STOX1: variants seen among roughly 807,000 people sequenced by gnomAD.
STOX1 encodes the protein storkhead-box protein 1.
In STOX1, 57 loss-of-function variants were observed where a neutral mutation model predicts 74.8. The observed-to-expected ratio is 0.76, with a 90% CI of 0.62 to 0.95. The LOEUF (loss-of-function observed/expected upper bound fraction) is 0.95. STOX1 is among the 40% of genes least tolerant of loss of function. The pLI is 0.00. For missense variants in STOX1, 1,010 were observed against 1,117.0 expected (o/e 0.90, Z 1.37); for synonymous variants, 375 against 401.3 (o/e 0.93, Z 0.78).
chr10:68,892,683 C>T lies in STOX1; in HGVS notation c.2917C>T (p.Gln973Ter). 6.2e-7 allele frequency: 1 copy of T among 1,613,962 alleles called. No individual in the cohort carries two copies. Among genetic ancestry groups the T allele is most frequent in the Non-Finnish European group, 8.5e-7 (1 of 1,179,918 alleles). The change falls in exon 4 of 4, where the codon CAA (glutamine) becomes TAA (stop). Residue 973 changes from glutamine to a stop codon, truncating the protein, a stop_gained. Coordinates refer to ENST00000298596, the MANE Select transcript of STOX1 (RefSeq NM_152709.5). LOFTEE classifies it high-confidence loss of function. ...LQNVEGTKSS[Q>*]PLTSNSLLPL... The stretch of plus-strand genomic sequence containing the variant: ...AAATGTCGAAGGCACAAAGAGCAGT[C>T]AACCACTCACATCTAATTCCTTACT...
intron 1 of STOX1, among the ~76,000 whole-genome samples, chr10:68,855,671 C>T (rs1362487213): frequency 2.6e-5 from 4 of 151,748 alleles, no homozygotes. Context: ...TCTCTAACTC[C>T]TGGGCTTAAG....
chr10:68,833,331 C>A (rs1839459568), intron 1 of STOX1, among the ~76,000 whole-genome samples: 1 of 152,108 alleles, frequency 6.6e-6, no homozygotes, highest in Non-Finnish European at 1.5e-5. Context: ...TCAGTTGATT[C>A]ATCCGCCTCA....
chr10:68,866,951 T>G lies in STOX1; in HGVS notation c.311-15007T>G, dbSNP rs547853439. Among the ~76,000 whole-genome samples the G allele has an allele frequency of 1.4e-4, 21 of 150,588 alleles. No homozygotes were observed. In the South Asian group the frequency reaches 4.0e-3, roughly 29 times the overall value. On this transcript the variant is annotated intron_variant, in intron 1 of 3. Transcript: ENST00000298596. ...TTGGACCAATGCTTTCCTTGTTTTT[T>G]TTTTTTTTTTTCGAGGCAGCCTCTT...
rs565137804 is a variant in STOX1, at chr10:68,863,170, G to A, written c.311-18788G>A. Among the ~76,000 whole-genome samples the A allele has an allele frequency of 1.1e-3, 170 of 152,184 alleles. 1 individual carries two copies. The highest frequency in any genetic ancestry group is 4.0e-3 in the African/African-American group (167 of 41,454). On this transcript the variant is annotated intron_variant, in intron 1 of 3. Transcript: ENST00000298596. ...ACCGGGCAACCAAGAGCTATCGTTA[G>A]TGTATACCTCCAATGGGGGATCCAG...
chr10:68,846,122 A>T (rs200447276), intron 1 of STOX1, among the ~76,000 whole-genome samples: 1,898 of 44,776 alleles, frequency 0.042, 41 homozygotes, highest in Admixed American at 0.14. Context: ...TGAGGTTTTT[A>T]TTATTATTAT....
intron 1 of STOX1, chr10:68,828,263 G>A: frequency 9.5e-6 from 11 of 1,152,692 alleles, no homozygotes; most frequent in Non-Finnish European, 1.1e-5. Flanking sequence ...CCGCATCAGG[G>A]CGGTGGGTGA....
Position 68,827,542 on chromosome 10 carries a change from A to G in STOX1, c.-82A>G. The G allele has an allele frequency of 2.1e-6, 2 of 950,846 alleles. No homozygotes were observed. The highest frequency in any genetic ancestry group is 1.3e-6 in the Non-Finnish European group (1 of 774,206). 58.9% of individuals were successfully genotyped at this position (950,846 alleles called of 1,614,324 possible). On this transcript the variant is annotated 5_prime_UTR_variant, in exon 1 of 4. Transcript: ENST00000298596. ...CCGCGGACCCGCGCGCAGTCGGCCG[A>G]TCCTCCCGCCGAGCGAGCGGCGTCG...
chr10:68,886,410 G>C lies in STOX1; in HGVS notation c.2614G>C (p.Asp872His). 6.2e-7 allele frequency: 1 copy of C among 1,614,202 alleles called. No individual in the cohort carries two copies. Among genetic ancestry groups the C allele is most frequent in the Non-Finnish European group, 8.5e-7 (1 of 1,180,040 alleles). ...CAGTTTTGAAGCTGAAGTCATACAA[G>C]ACACTATTGGTGACACAGGAAAGAA... ...KASFEAEVIQ[D>H]TIGDTGKKPA... is the part of the protein sequence containing the mutation. Residue 872 changes from aspartate to histidine, a missense_variant, in exon 3 of 4, where the codon GAC (aspartate) becomes CAC (histidine). Coordinates refer to ENST00000298596, the MANE Select transcript of STOX1 (RefSeq NM_152709.5).
chr10:68,834,695 C>T (rs1839497317), intron 1 of STOX1, among the ~76,000 whole-genome samples: 2 of 152,206 alleles, frequency 1.3e-5, no homozygotes, highest in African/African-American at 4.8e-5. Flanking sequence ...TGCCTCGATT[C>T]TCAGAGATAA....
intron 3 of STOX1, among the ~76,000 whole-genome samples, 166 bp downstream of exon 3, chr10:68,886,784 G>A (rs1840975093): frequency 6.6e-6 from 1 of 152,050 alleles, no homozygotes; most frequent in African/African-American, 2.4e-5. Flanking sequence ...ACCAGGTGTG[G>A]TGGTGCGTCC....
chr10:68,857,079 T>G (rs986046308), intron 1 of STOX1, among the ~76,000 whole-genome samples: 1 of 152,132 alleles, frequency 6.6e-6, no homozygotes, highest in Non-Finnish European at 1.5e-5. Context: ...TCATCTTTAT[T>G]AATTTTATTT....
chr10:68,842,309 G>T (rs1839711548), intron 1 of STOX1, among the ~76,000 whole-genome samples: 1 of 152,116 alleles, frequency 6.6e-6, no homozygotes, highest in Non-Finnish European at 1.5e-5. Flanking sequence ...GCTACATTCT[G>T]TGCTAGTGGA....
chr10:68,894,536 A>G (rs1272524887), downstream of STOX1, among the ~76,000 whole-genome samples: 1 of 152,178 alleles, frequency 6.6e-6, no homozygotes, highest in Non-Finnish European at 1.5e-5. Context: ...ACTGACTGAC[A>G]TACCACTGCA....
In STOX1 at chr10:68,855,194, C is replaced by T. The variant is rs1005339454; in HGVS notation, c.311-26764C>T. 2.7e-5 allele frequency among the ~76,000 whole-genome samples: 4 copies of T among 150,362 alleles called. No individual in the cohort carries two copies. The East Asian group carries it at 5.9e-4, about 22-fold the overall frequency. Reference sequence around the variant, plus strand: ...GGAGTGCAGTGGCGTGATCTTGGCTCACTGCAACCTCCGTCTCCTGGGTTC... The same window carrying T: ...GGAGTGCAGTGGCGTGATCTTGGCTTACTGCAACCTCCGTCTCCTGGGTTC... On this transcript the variant is annotated intron_variant, in intron 1 of 3. Transcript: ENST00000298596.
chr10:68,838,152 G>A (rs925323431), intron 1 of STOX1, among the ~76,000 whole-genome samples: 1 of 150,494 alleles, frequency 6.6e-6, no homozygotes, highest in South Asian at 2.1e-4. Context: ...CTGCAGCCTC[G>A]ACCTCCCAGA....
chr10:68,871,092 A>G (rs1840525428), intron 1 of STOX1, among the ~76,000 whole-genome samples: 1 of 150,764 alleles, frequency 6.6e-6, no homozygotes, highest in Admixed American at 6.7e-5. Flanking sequence ...AGTGTAGGAA[A>G]GGGCACTTCA....
At chr10:68,860,705 G>T (rs1213961175) in intron 1 of STOX1, among the ~76,000 whole-genome samples, 4 of 152,016 alleles carry the variant, frequency 2.6e-5, no homozygotes, top group Non-Finnish European at 5.9e-5. Context: ...ATTTGATTGG[G>T]TGTGTGTGTT....
At chr10:68,872,001 A>C (rs1057403981) in intron 1 of STOX1, among the ~76,000 whole-genome samples, 1 of 152,184 alleles carries the variant, frequency 6.6e-6, no homozygotes, top group Non-Finnish European at 1.5e-5. Context: ...TGAACAAAAC[A>C]TCCTTTTTTT....
intron 1 of STOX1, among the ~76,000 whole-genome samples, chr10:68,843,197 C>G (rs537563068): frequency 1.3e-5 from 2 of 152,126 alleles, no homozygotes; most frequent in African/African-American, 4.8e-5. Flanking sequence ...GGCCACCACA[C>G]CAGCTACTTT....
Sources: allele counts gnomAD v4.1 joint callset (sites outside exome capture counted in the v4.1 genomes callset), GRCh38; gene constraint gnomAD v4.1.1; transcripts MANE v1.5; gene names NCBI Gene and HGNC (gene_info 2026-07-23, HGNC 2026-07-21).